The following MEIS1 variants were observed in gnomAD, a reference collection of about 807,000 sequenced individuals.
MEIS1 encodes the protein homeobox protein Meis1.
A neutral mutation model predicts 50.8 loss-of-function variants in MEIS1; 5 were observed. The observed-to-expected ratio is 0.10, with a 90% CI of 0.05 to 0.21. The LOEUF (loss-of-function observed/expected upper bound fraction) is 0.21. Ranked by LOEUF, MEIS1 falls within the 10% of genes least tolerant of loss-of-function variation. The pLI is 1.00. For synonymous variants in MEIS1, 176 were observed against 179.3 expected, an observed-to-expected ratio of 0.98 and a Z score of 0.15; for missense variants, 318 against 517.3, an observed-to-expected ratio of 0.61 and a Z score of 3.74.
At chr2:66,455,946 C>T (rs1201456129) in intron 6 of MEIS1, among the ~76,000 whole-genome samples, 2 of 152,078 alleles carry the variant, frequency 1.3e-5, no homozygotes, top group African/African-American at 4.8e-5. Flanking sequence ...TGTCTGAACC[C>T]AGGCTTTAGT....
intron 7 of MEIS1, among the ~76,000 whole-genome samples, chr2:66,468,472 AG>A (rs1672692024): frequency 6.6e-6 from 1 of 152,176 alleles, no homozygotes; most frequent in Admixed American, 6.5e-5. Flanking sequence ...TAGAACATGA[AG>A]GGCTGTCAGT....
At chr2:66,464,674 T>A (rs1558528134) in intron 7 of MEIS1, among the ~76,000 whole-genome samples, 1 of 152,162 alleles carries the variant, frequency 6.6e-6, no homozygotes, top group Non-Finnish European at 1.5e-5. Flanking sequence ...CTCCACTGGG[T>A]TGAAGTCATT....
At chr2:66,518,931 T>A (rs1674038906) in intron 8 of MEIS1, among the ~76,000 whole-genome samples, 1 of 152,172 alleles carries the variant, frequency 6.6e-6, no homozygotes, top group Admixed American at 6.5e-5. Context: ...TAGTAGTAAA[T>A]CTACATGTCG....
intron 6 of MEIS1, among the ~76,000 whole-genome samples, chr2:66,456,440 T>A (rs1004275982): frequency 5.3e-5 from 8 of 152,122 alleles, no homozygotes; most frequent in African/African-American, 1.9e-4. Flanking sequence ...AGATTAAAAG[T>A]TCACAATGGC....
At chr2:66,536,886 C>G (rs1325299066) in intron 8 of MEIS1, among the ~76,000 whole-genome samples, 1 of 152,220 alleles carries the variant, frequency 6.6e-6, no homozygotes, top group Admixed American at 6.5e-5. Context: ...CATTCTCTCT[C>G]TCTCTCTCTG....
Position 66,435,766 on chromosome 2 carries a change from T to C in MEIS1, c.-91T>C, listed in dbSNP as rs1210617302. The C allele has an allele frequency of 1.6e-6, 1 of 636,416 alleles. No homozygotes were observed. Among genetic ancestry groups the C allele is most frequent in the East Asian group, 3.3e-5 (1 of 30,700 alleles). 39.4% of individuals were successfully genotyped at this position (636,416 alleles called of 1,614,324 possible). A position where few individuals can be genotyped will look rare whatever the true frequency, so the allele number is the denominator to read the frequency against. Reference sequence around the variant, plus strand: ...TGCTTTTTTTTTTTTTTTTTTTTTTTTCCGGGGGAGTTTGAATATTTGTTT... The same window carrying C: ...TGCTTTTTTTTTTTTTTTTTTTTTTCTCCGGGGGAGTTTGAATATTTGTTT... On this transcript the variant is annotated 5_prime_UTR_variant, in exon 1 of 13. Transcript: ENST00000272369.
intron 7 of MEIS1, among the ~76,000 whole-genome samples, chr2:66,493,756 C>T (rs940810513): frequency 2.0e-5 from 3 of 152,074 alleles, no homozygotes; most frequent in Non-Finnish European, 4.4e-5. Context: ...ACCACACAGC[C>T]CACTATCGTA....
chr2:66,509,543 C>T (rs908628469), intron 7 of MEIS1, among the ~76,000 whole-genome samples: 1 of 152,232 alleles, frequency 6.6e-6, no homozygotes, highest in East Asian at 1.9e-4. Context: ...ACCTTTTATT[C>T]AGGAGAGGTC....
chr2:66,442,197 A>C (rs1031225067), intron 5 of MEIS1, among the ~76,000 whole-genome samples: 8 of 151,254 alleles, frequency 5.3e-5, no homozygotes, highest in South Asian at 4.2e-4. Context: ...TTTGCATGTC[A>C]GTGATGCCTG....
intron 7 of MEIS1, among the ~76,000 whole-genome samples, chr2:66,504,399 A>G (rs908249096): frequency 6.6e-6 from 1 of 151,750 alleles, no homozygotes; most frequent in African/African-American, 2.4e-5. Context: ...GCGCCTGGCC[A>G]ATTTTTGTAT....
chr2:66,546,908 T>A (rs1248775458), intron 8 of MEIS1, among the ~76,000 whole-genome samples: 1 of 152,200 alleles, frequency 6.6e-6, no homozygotes, highest in East Asian at 1.9e-4. Context: ...AAAAGCTATG[T>A]CAATTAGCAT....
chr2:66,472,704 G>A lies in MEIS1; in HGVS notation c.742+8484G>A, dbSNP rs534113385. Among the ~76,000 whole-genome samples, 3 of 152,340 alleles carry A rather than the reference G, an allele frequency of 2.0e-5. No individual in the cohort carries two copies. The East Asian group carries it at 5.8e-4, about 29-fold the overall frequency. ...ATTAGGTTCAAATTGCAGAGGGACA[G>A]CACTACCTTGGTAGGTGTAGACGTT... On this transcript the variant is annotated intron_variant, in intron 7 of 12. Coordinates refer to ENST00000272369, the MANE Select transcript of MEIS1 (RefSeq NM_002398.3).
chr2:66,471,199 T>A (rs1051004288), intron 7 of MEIS1, among the ~76,000 whole-genome samples: 2 of 152,228 alleles, frequency 1.3e-5, no homozygotes, highest in Admixed American at 1.3e-4. Flanking sequence ...GTTCTGACCC[T>A]CAATTGGAAA....
intron 8 of MEIS1, among the ~76,000 whole-genome samples, chr2:66,535,712 G>T (rs1645264066): frequency 6.6e-6 from 1 of 152,196 alleles, no homozygotes; most frequent in African/African-American, 2.4e-5. Flanking sequence ...TCGGGAGTTG[G>T]AAAGGGTTTG....
At chr2:66,568,988 G>T in intron 11 of MEIS1, 62 bp from the exon 12 acceptor site, 3 of 1,430,664 alleles carry the variant, frequency 2.1e-6, no homozygotes, top group Non-Finnish European at 3.0e-6. Flanking sequence ...AGGGTCTTTT[G>T]GCACTATCTG....
intron 7 of MEIS1, among the ~76,000 whole-genome samples, chr2:66,477,000 A>C (rs1158453648): frequency 2.6e-5 from 4 of 152,108 alleles, no homozygotes; most frequent in Non-Finnish European, 5.9e-5. Context: ...TGGGTGTGAG[A>C]GAGGAAGAGT....
chr2:66,468,913 T>C (rs1042782843), intron 7 of MEIS1, among the ~76,000 whole-genome samples: 1 of 152,208 alleles, frequency 6.6e-6, no homozygotes, highest in Non-Finnish European at 1.5e-5. Flanking sequence ...TGGTATTATG[T>C]ATTAAGAGCC....
chr2:66,560,208 A>C (rs193015420), intron 9 of MEIS1, among the ~76,000 whole-genome samples: 3 of 151,034 alleles, frequency 2.0e-5, no homozygotes, highest in Admixed American at 2.0e-4. Flanking sequence ...ATTTATTTTA[A>C]TGCCTAAGGC....
chr2:66,572,012 T>C lies in MEIS1; in HGVS notation c.*804T>C, dbSNP rs1397291487. ...CAGCCATGCGCGCGCTCTCTCTCTT[T>C]CTCTCTCTTTTCCTCTCTCTCCCTC... On this transcript the variant is annotated 3_prime_UTR_variant, in exon 13 of 13. Transcript: ENST00000272369. 9 of 160,744 alleles carry C rather than the reference T, an allele frequency of 5.6e-5. No individual in the cohort carries two copies. The highest frequency in any genetic ancestry group is 5.4e-5 in the Non-Finnish European group (4 of 74,716). 10.0% of individuals were successfully genotyped at this position (160,744 alleles called of 1,614,324 possible).
Sources: gnomAD v4.1 joint callset for allele counts (sites outside exome capture counted in the v4.1 genomes callset) on GRCh38, gnomAD v4.1.1 for gene constraint, MANE v1.5 for transcripts, NCBI Gene and HGNC (gene_info 2026-07-23, HGNC 2026-07-21) for gene names.